The following ETV7 variants were observed in gnomAD, a reference collection of about 807,000 sequenced individuals.
ETV7 encodes transcription factor ETV7.
ETV7 carries 43 observed loss-of-function variants against 39.1 expected under a neutral mutation model. That is an observed-to-expected ratio of 1.10 (90% CI 0.86 to 1.42). The LOEUF is 1.42. Among genes scored for constraint, ETV7 ranks in the 40% most tolerant of loss-of-function variants. The pLI is 0.00. For missense variants in ETV7, 432 were observed against 442.3 expected (o/e 0.98, Z 0.21); for synonymous variants, 196 against 176.6 (o/e 1.11, Z -0.87).
At chr6:36,383,354 C>G (rs974659369) in intron 2 of ETV7, among the ~76,000 whole-genome samples, 14 of 152,342 alleles carry the variant, frequency 9.2e-5, no homozygotes, top group South Asian at 8.3e-4. Context: ...CGGTTGTCCT[C>G]AGAGTGGACT....
At chr6:36,378,239 G>GA (rs1461350471) in intron 2 of ETV7, among the ~76,000 whole-genome samples, 171 of 57,500 alleles carry the variant, frequency 3.0e-3, no homozygotes, top group Middle Eastern at 0.011. Flanking sequence ...AATCTAATAT[G>GA]GAAAAAAAAA....
chr6:36,387,400 G>T, intron 1 of ETV7, 136 bp downstream of exon 1: 1 of 1,263,844 alleles, frequency 7.9e-7, no homozygotes. Flanking sequence ...GTGAGGTTTA[G>T]GAATGTGTTG....
At chr6:36,364,907 A>G (rs1045431978), downstream of ETV7, among the ~76,000 whole-genome samples, 2 of 152,170 alleles carry the variant, frequency 1.3e-5, no homozygotes, top group African/African-American at 4.8e-5. Context: ...CCTTTTTCCA[A>G]AGCCACCTGC....
In ETV7 at chr6:36,385,708, C is replaced by T. The variant is rs143257128; in HGVS notation, c.7-39G>A. ...AACCAGGACAGTCAAAGAAGAGCAT[C>T]TTGGTGAAGGCTCAGCCATCTTTAA... On this transcript the variant is annotated intron_variant, in intron 1 of 7. Transcript: ENST00000340181. 1,834 of 1,564,050 alleles carry T rather than the reference C, an allele frequency of 1.2e-3. 40 individuals carry two copies. The East Asian group carries it at 0.039, about 33-fold the overall frequency.
intron 7 of ETV7, among the ~76,000 whole-genome samples, chr6:36,356,406 A>T (rs1482480330): frequency 1.3e-5 from 2 of 152,040 alleles, no homozygotes; most frequent in Admixed American, 6.6e-5. Context: ...TCAATTTTTT[A>T]AAAAGAATTG....
intron 4 of ETV7, 26 bp downstream of exon 4, chr6:36,373,427 C>A (rs1416832867): frequency 6.6e-7 from 1 of 1,509,676 alleles, no homozygotes; most frequent in South Asian, 1.3e-5. Context: ...GGGAGGTACT[C>A]CGAGCACCAC....
At chr6:36,362,544 G>T (rs982954296), downstream of ETV7, among the ~76,000 whole-genome samples, 1 of 152,190 alleles carries the variant, frequency 6.6e-6, no homozygotes, top group Admixed American at 6.5e-5. Flanking sequence ...TATGAAAAAT[G>T]GATATAAACT....
intron 5 of ETV7, among the ~76,000 whole-genome samples, chr6:36,370,685 A>C (rs537809564): frequency 6.9e-6 from 1 of 144,310 alleles, no homozygotes; most frequent in Non-Finnish European, 1.5e-5. Flanking sequence ...CTAAAATAAA[A>C]GTTGAAAAAA....
chr6:36,374,314 G>A lies in ETV7; in HGVS notation c.308-736C>T, dbSNP rs75445684. Among the ~76,000 whole-genome samples the A allele has an allele frequency of 4.0e-5, 6 of 151,760 alleles. No individual in the cohort carries two copies. The East Asian group carries it at 1.2e-3, about 29-fold the overall frequency. ...TGAGGCACAAGTGAGCTGTGTTCAC[G>A]CCACCAAACTCTAGCCTGGGCAATA... On this transcript the variant is annotated intron_variant, in intron 3 of 7. Coordinates refer to ENST00000340181, the MANE Select transcript of ETV7 (RefSeq NM_016135.4).
chr6:36,369,757 C>T (rs1289935111), intron 5 of ETV7, among the ~76,000 whole-genome samples: 2 of 152,060 alleles, frequency 1.3e-5, no homozygotes, highest in Non-Finnish European at 2.9e-5. Context: ...TGTAAGTGCA[C>T]GAAGAATGTT....
intron 3 of ETV7, among the ~76,000 whole-genome samples, chr6:36,373,857 T>G (rs1220170691): frequency 6.6e-6 from 1 of 152,202 alleles, no homozygotes; most frequent in Non-Finnish European, 1.5e-5. Context: ...GTCAGGCTGT[T>G]TCTCAACCCT....
chr6:36,387,497 TCTGCGTGCGCG>T, intron 1 of ETV7, 28 bp downstream of exon 1: 2 of 1,613,942 alleles, frequency 1.2e-6, no homozygotes, highest in East Asian at 4.5e-5. Flanking sequence ...AGCAGGTGGC[TCTGCGTGCGCG>T]CTGCGTGTTC....
chr6:36,375,710 C>T, intron 3 of ETV7, 161 bp downstream of exon 3: 1 of 1,162,370 alleles, frequency 8.6e-7, no homozygotes, highest in African/African-American at 1.5e-5. Flanking sequence ...TAGGAACCAC[C>T]AGATACACAC....
downstream of ETV7, among the ~76,000 whole-genome samples, chr6:36,361,745 C>T (rs1425452667): frequency 1.3e-5 from 2 of 152,234 alleles, no homozygotes; most frequent in African/African-American, 4.8e-5. Context: ...TTATTTGTTT[C>T]ATTAATGAAC....
At chr6:36,369,556 C>T (rs1772904751) in intron 5 of ETV7, among the ~76,000 whole-genome samples, 1 of 152,194 alleles carries the variant, frequency 6.6e-6, no homozygotes, top group Admixed American at 6.5e-5. Context: ...GAAAACCAGG[C>T]ATGCCATTGG....
At chr6:36,361,185 C>G (rs898057122) in intron 7 of ETV7, among the ~76,000 whole-genome samples, 1 of 152,360 alleles carries the variant, frequency 6.6e-6, no homozygotes, top group Non-Finnish European at 1.5e-5. Flanking sequence ...CTTTAAACTC[C>G]TCACTCAAGT....
intron 7 of ETV7, among the ~76,000 whole-genome samples, chr6:36,360,920 G>C (rs558652011): frequency 6.6e-6 from 1 of 152,128 alleles, no homozygotes; most frequent in Non-Finnish European, 1.5e-5. Context: ...ACTTTGTCCA[G>C]TACTGTCCCC....
downstream of ETV7, among the ~76,000 whole-genome samples, chr6:36,362,590 C>T (rs1258787187): frequency 6.6e-6 from 1 of 152,208 alleles, no homozygotes; most frequent in Non-Finnish European, 1.5e-5. Flanking sequence ...AGAGCAGGTA[C>T]TCAATTGATG....
At chr6:36,377,156 G>A (rs1305021171) in intron 2 of ETV7, among the ~76,000 whole-genome samples, 1 of 152,140 alleles carries the variant, frequency 6.6e-6, no homozygotes. Context: ...ATTTGCCTTT[G>A]TGGGCAAAAA....
Sources: gnomAD v4.1 joint callset for allele counts (sites outside exome capture counted in the v4.1 genomes callset) on GRCh38, gnomAD v4.1.1 for gene constraint, MANE v1.5 for transcripts, NCBI Gene and HGNC (gene_info 2026-07-23, HGNC 2026-07-21) for gene names.